SH3PXD2A: variants seen among roughly 807,000 people sequenced by gnomAD.
The protein encoded by SH3PXD2A is SH3 and PX domains 2A, also known as SH3 and PX domain-containing protein 2A.
SH3PXD2A carries 32 observed loss-of-function variants against 115.2 expected under a neutral mutation model. The ratio of observed to expected loss-of-function variants is 0.28; its 90% CI spans 0.21 to 0.37. The LOEUF is 0.37. SH3PXD2A is among the 10% of genes least tolerant of loss of function. The probability of loss-of-function intolerance (pLI) is 1.00; values close to 1 mark genes in which losing one functional copy is unlikely to be tolerated. For synonymous variants in SH3PXD2A, 610 were observed against 629.1 expected (o/e 0.97, Z 0.45); for missense variants, 1,328 against 1,498.7 (o/e 0.89, Z 1.88).
chr10:103,670,499 A>G (rs1325849062), intron 6 of SH3PXD2A, among the ~76,000 whole-genome samples: 2 of 152,326 alleles, frequency 1.3e-5, no homozygotes, highest in East Asian at 1.9e-4. Context: ...CCTGGGTTCA[A>G]TCAGCTCTGG....
chr10:103,831,386 C>A (rs1250097993), intron 1 of SH3PXD2A, among the ~76,000 whole-genome samples: 3 of 152,208 alleles, frequency 2.0e-5, no homozygotes, highest in Non-Finnish European at 4.4e-5. Flanking sequence ...CCTTCCCAGG[C>A]ACATGGTAGA....
chr10:103,745,236 T>C (rs2038488573), intron 3 of SH3PXD2A, among the ~76,000 whole-genome samples: 1 of 152,236 alleles, frequency 6.6e-6, no homozygotes, highest in African/African-American at 2.4e-5. Context: ...AGCTGAGGGC[T>C]TAAGAGACAC....
chr10:103,809,581 G>A (rs1258660929), intron 1 of SH3PXD2A, among the ~76,000 whole-genome samples: 1 of 152,166 alleles, frequency 6.6e-6, no homozygotes, highest in African/African-American at 2.4e-5. Flanking sequence ...CATCCTTCAA[G>A]AGTGTGTAGC....
chr10:103,766,616 C>T (rs2038757156), intron 3 of SH3PXD2A, among the ~76,000 whole-genome samples: 1 of 152,196 alleles, frequency 6.6e-6, no homozygotes, highest in Non-Finnish European at 1.5e-5. Context: ...CTCTAAATTA[C>T]ATAATGTAAT....
chr10:103,596,663 A>ACACACACACACACACACACACACACTCT lies in SH3PXD2A; in HGVS notation c.*5152_*5153insAGAGTGTGTGTGTGTGTGTGTGTGTGTG. On this transcript the variant is annotated 3_prime_UTR_variant, in exon 15 of 15. Transcript: ENST00000369774. ...CACACACACACACACACACACACAC[A>ACACACACACACACACACACACACACTCT]CTCTCTCTCTCTCTCTCTCTCTCAC... The ACACACACACACACACACACACACACTCT allele has an allele frequency of 7.2e-5, 9 of 124,510 alleles. No homozygotes were observed. Among genetic ancestry groups the ACACACACACACACACACACACACACTCT allele is most frequent in the East Asian group, 2.5e-4 (1 of 4,034 alleles). 7.7% of individuals were successfully genotyped at this position (124,510 alleles called of 1,614,324 possible).
chr10:103,717,591 G>A (rs1254757720), intron 5 of SH3PXD2A, among the ~76,000 whole-genome samples: 1 of 152,150 alleles, frequency 6.6e-6, no homozygotes, highest in African/African-American at 2.4e-5. Context: ...GGGGCCCTAC[G>A]GCCAGATCTT....
chr10:103,758,816 C>T (rs554063297), intron 3 of SH3PXD2A, among the ~76,000 whole-genome samples: 33 of 152,290 alleles, frequency 2.2e-4, no homozygotes, highest in African/African-American at 7.2e-4. Flanking sequence ...TCTTGTTGAC[C>T]TTTTTAAACC....
chr10:103,696,373 C>T (rs1169049313), intron 5 of SH3PXD2A, among the ~76,000 whole-genome samples: 4 of 152,156 alleles, frequency 2.6e-5, no homozygotes, highest in South Asian at 2.1e-4. Context: ...GAGGGCAAGA[C>T]GCAAAGGCAG....
At chr10:103,690,654 C>T (rs962839923) in intron 6 of SH3PXD2A, among the ~76,000 whole-genome samples, 3 of 152,224 alleles carry the variant, frequency 2.0e-5, no homozygotes, top group Non-Finnish European at 4.4e-5. Context: ...AAATATGAAT[C>T]TCACCTAGAA....
intron 6 of SH3PXD2A, among the ~76,000 whole-genome samples, chr10:103,690,138 C>T (rs1038731650): frequency 6.6e-6 from 1 of 152,152 alleles, no homozygotes; most frequent in Non-Finnish European, 1.5e-5. Flanking sequence ...GGAATCCCAC[C>T]ACCCATCATG....
chr10:103,698,714 AG>A (rs1462394542), intron 5 of SH3PXD2A, among the ~76,000 whole-genome samples: 1 of 152,190 alleles, frequency 6.6e-6, no homozygotes, highest in East Asian at 1.9e-4. Context: ...GCAGGCAGGC[AG>A]AAGAGATATA....
chr10:103,744,002 G>T (rs928969663), intron 3 of SH3PXD2A, among the ~76,000 whole-genome samples: 1 of 152,156 alleles, frequency 6.6e-6, no homozygotes, highest in Non-Finnish European at 1.5e-5. Flanking sequence ...GAAGAACGGC[G>T]GAACAGCCTC....
intron 8 of SH3PXD2A, among the ~76,000 whole-genome samples, chr10:103,658,759 C>T (rs914961862): frequency 5.9e-5 from 9 of 152,184 alleles, no homozygotes; most frequent in South Asian, 4.1e-4. Context: ...TCTTTCTACC[C>T]GACACCTTGA....
chr10:103,742,626 C>T (rs961895143), intron 3 of SH3PXD2A, among the ~76,000 whole-genome samples: 16 of 152,190 alleles, frequency 1.1e-4, no homozygotes, highest in Admixed American at 3.3e-4. Flanking sequence ...TATCCCTAAG[C>T]GGATTTCAGT....
At chr10:103,819,100 C>T in intron 1 of SH3PXD2A, among the ~76,000 whole-genome samples, 1 of 152,218 alleles carries the variant, frequency 6.6e-6, no homozygotes, top group East Asian at 1.9e-4. Flanking sequence ...TCAGTCCAGT[C>T]CCGTCAAGAA....
intron 1 of SH3PXD2A, among the ~76,000 whole-genome samples, chr10:103,826,936 G>T (rs925747866): frequency 6.6e-6 from 1 of 152,262 alleles, no homozygotes; most frequent in East Asian, 1.9e-4. Flanking sequence ...AGGATGCTTC[G>T]GCCCGGCTAA....
chr10:103,608,150 T>TAAAAAAAAAAAAAAAAAAAGTTAAAA (rs1554903070), intron 13 of SH3PXD2A, among the ~76,000 whole-genome samples: 1 of 32,672 alleles, frequency 3.1e-5, no homozygotes. Flanking sequence ...ATGATCAATT[T>TAAAAAAAAAAAAAAAAAAAGTTAAAA]AAAAAAAAAA....
intron 3 of SH3PXD2A, chr10:103,755,319 T>C (rs1447623032): frequency 2.0e-5 from 3 of 152,232 alleles, no homozygotes; most frequent in Non-Finnish European, 4.4e-5. Flanking sequence ...TTTGATGCTC[T>C]CAATAACCCT....
rs1564874624 is a variant in SH3PXD2A, at chr10:103,728,884, TG to T, written c.307-4524del. Among the ~76,000 whole-genome samples, 126 of 133,722 alleles carry T rather than the reference TG, an allele frequency of 9.4e-4. 1 individual carries two copies. The highest frequency in any genetic ancestry group is 3.8e-3 in the African/African-American group (119 of 31,452). 87.7% of individuals were successfully genotyped at this position (133,722 alleles called of 152,430 possible). On this transcript the variant is annotated intron_variant, in intron 4 of 14. Transcript: ENST00000369774. ...GTAAGTAGCAAAGAGTTGTTTTTTT[TG>T]TTTGTTTGTTTGTTTTTTTTTTTTT...
Sources: gnomAD v4.1 joint callset for allele counts (sites outside exome capture counted in the v4.1 genomes callset) on GRCh38, gnomAD v4.1.1 for gene constraint, MANE v1.5 for transcripts, NCBI Gene and HGNC (gene_info 2026-07-23, HGNC 2026-07-21) for gene names.